The following LRMDA variants were observed in gnomAD, a reference collection of about 807,000 sequenced individuals.
LRMDA encodes the protein leucine rich melanocyte differentiation associated.
Under a neutral mutation model 29.8 loss-of-function variants are expected in LRMDA, and 18 were observed. That is an observed-to-expected ratio of 0.60 (90% CI 0.42 to 0.90). The LOEUF (loss-of-function observed/expected upper bound fraction) is 0.90. LRMDA is among the 40% of genes least tolerant of loss of function. LRMDA has a pLI of 0.00. For missense variants in LRMDA, 273 were observed against 273.9 expected (o/e 1.00, Z 0.02); for synonymous variants, 125 against 109.4 (o/e 1.14, Z -0.89).
chr10:76,087,618 A>G (rs1849158417), intron 5 of LRMDA, among the ~76,000 whole-genome samples: 1 of 152,100 alleles, frequency 6.6e-6, no homozygotes, highest in African/African-American at 2.4e-5. Flanking sequence ...TGAAGAGCTA[A>G]GGGGGATGCC....
intron 5 of LRMDA, among the ~76,000 whole-genome samples, chr10:76,065,461 C>T (rs1430413989): frequency 6.6e-6 from 1 of 152,184 alleles, no homozygotes; most frequent in Non-Finnish European, 1.5e-5. Context: ...GAAGCCAGTG[C>T]CTGGGGGATG....
chr10:75,768,239 A>G (rs7917268), intron 2 of LRMDA, among the ~76,000 whole-genome samples: 11,660 of 152,258 alleles, frequency 0.077, 1,227 homozygotes, highest in African/African-American at 0.24. Flanking sequence ...CATTATTATT[A>G]GGCAGCCCAT....
Position 75,632,782 on chromosome 10 carries a change from G to GTTTTTTTTTTTTTTTTTTTTTTTTTTTT in LRMDA, c.131+194315_131+194316insTTTTTTTTTTTTTTTTTTTTTTTTTTTT, listed in dbSNP as rs386371855. On this transcript the variant is annotated intron_variant, in intron 2 of 6. Coordinates refer to ENST00000611255, the MANE Select transcript of LRMDA (RefSeq NM_001305581.2). Reference sequence around the variant, plus strand: ...TAGTTTTTTTGTTTAGTTTAGTTTAGTTTTTTTTTTTTTTTTTTTTTTTTT... The same window carrying GTTTTTTTTTTTTTTTTTTTTTTTTTTTT: ...TAGTTTTTTTGTTTAGTTTAGTTTAGTTTTTTTTTTTTTTTTTTTTTTTTTTTTTTTTTTTTTTTTTTTTTTTTTTTTT... 9.2e-5 allele frequency among the ~76,000 whole-genome samples: 4 copies of GTTTTTTTTTTTTTTTTTTTTTTTTTTTT among 43,248 alleles called. 1 individual carries two copies. Among genetic ancestry groups the GTTTTTTTTTTTTTTTTTTTTTTTTTTTT allele is most frequent in the Non-Finnish European group, 1.4e-4 (3 of 21,684 alleles). The allele number at this position is 43,248 out of a possible 152,430, so 28.4% of individuals were successfully genotyped here.
chr10:76,151,418 G>C lies in LRMDA; in HGVS notation c.516+92635G>C, dbSNP rs1268950613. Among the ~76,000 whole-genome samples, 3 of 151,996 alleles carry C rather than the reference G, an allele frequency of 2.0e-5. No homozygotes were observed. The East Asian group carries it at 5.8e-4, about 29-fold the overall frequency. On this transcript the variant is annotated intron_variant, in intron 5 of 6. Coordinates refer to ENST00000611255, the MANE Select transcript of LRMDA (RefSeq NM_001305581.2). Reference sequence around the variant, plus strand: ...TACCCAGTTTTTTTTTCCCCTCCAAGGCATCTGTCGCTATTTGAAATAATC... The same window carrying C: ...TACCCAGTTTTTTTTTCCCCTCCAACGCATCTGTCGCTATTTGAAATAATC...
intron 6 of LRMDA, among the ~76,000 whole-genome samples, chr10:76,522,142 CAT>C (rs757917277): frequency 3.3e-5 from 5 of 152,280 alleles, no homozygotes; most frequent in Non-Finnish European, 5.9e-5. Flanking sequence ...TTTCAATAAA[CAT>C]GTGTATATTG....
intron 2 of LRMDA, among the ~76,000 whole-genome samples, chr10:75,446,843 A>G (rs1844402446): frequency 1.3e-5 from 2 of 152,342 alleles, no homozygotes; most frequent in South Asian, 4.1e-4. Flanking sequence ...GATTGGGGAG[A>G]GAAAATTCCC....
At chr10:75,776,269 C>A (rs1302275775) in intron 2 of LRMDA, among the ~76,000 whole-genome samples, 1 of 152,140 alleles carries the variant, frequency 6.6e-6, no homozygotes, top group Non-Finnish European at 1.5e-5. Flanking sequence ...AATTTGGGTC[C>A]TGGAAGAACT....
intron 6 of LRMDA, among the ~76,000 whole-genome samples, chr10:76,344,045 C>G (rs1841073536): frequency 6.6e-6 from 1 of 152,032 alleles, no homozygotes; most frequent in African/African-American, 2.4e-5. Flanking sequence ...TGGTCTTGAA[C>G]TCCTGACCTC....
chr10:75,997,447 A>T (rs537701162), intron 2 of LRMDA, among the ~76,000 whole-genome samples: 1 of 150,332 alleles, frequency 6.7e-6, no homozygotes, highest in Non-Finnish European at 1.5e-5. Flanking sequence ...ATCATGAAGT[A>T]TGTTCCAGGA....
chr10:76,328,319 A>G lies in LRMDA; in HGVS notation c.601+3834A>G, dbSNP rs990528370. 2.0e-5 allele frequency among the ~76,000 whole-genome samples: 3 copies of G among 152,216 alleles called. No individual in the cohort carries two copies. In the East Asian group the frequency reaches 5.8e-4, roughly 29 times the overall value. On this transcript the variant is annotated intron_variant, in intron 6 of 6. Transcript: ENST00000611255. Reference sequence around the variant, plus strand: ...TCTTTATCTGGTAGCTCTTAGAAGTAGAATTCACATTTGTACAGGGCATTA... The same window carrying G: ...TCTTTATCTGGTAGCTCTTAGAAGTGGAATTCACATTTGTACAGGGCATTA...
chr10:75,696,912 A>G (rs1842242119), intron 2 of LRMDA, among the ~76,000 whole-genome samples: 1 of 152,114 alleles, frequency 6.6e-6, no homozygotes, highest in South Asian at 2.1e-4. Context: ...GGCAGATCTC[A>G]GTTTGTCCAG....
At chr10:76,062,860 C>G (rs1346953322) in intron 5 of LRMDA, among the ~76,000 whole-genome samples, 1 of 152,136 alleles carries the variant, frequency 6.6e-6, no homozygotes, top group Non-Finnish European at 1.5e-5. Context: ...AAAGAAAGAG[C>G]CCGCTAGTAA....
At chr10:76,284,473 C>T (rs535977784) in intron 5 of LRMDA, among the ~76,000 whole-genome samples, 1 of 152,262 alleles carries the variant, frequency 6.6e-6, no homozygotes, top group South Asian at 2.1e-4. Flanking sequence ...CTTTTTCAGA[C>T]ATCTGACCTC....
intron 5 of LRMDA, among the ~76,000 whole-genome samples, chr10:76,289,098 TG>T (rs1840307330): frequency 6.6e-6 from 1 of 151,878 alleles, no homozygotes; most frequent in South Asian, 2.1e-4. Context: ...AAGGTGGAGG[TG>T]GGATGTTGGA....
chr10:75,636,661 T>C (rs964001904), intron 2 of LRMDA, among the ~76,000 whole-genome samples: 2 of 152,194 alleles, frequency 1.3e-5, no homozygotes, highest in Non-Finnish European at 2.9e-5. Flanking sequence ...TATTCTTAAT[T>C]CATTAGGTGA....
intron 6 of LRMDA, among the ~76,000 whole-genome samples, chr10:76,459,349 C>T (rs1211593280): frequency 6.6e-6 from 1 of 152,104 alleles, no homozygotes. Context: ...GAAAGCTTTT[C>T]CTCCTATCCT....
At chr10:75,962,589 C>T (rs1456246386) in intron 2 of LRMDA, among the ~76,000 whole-genome samples, 1 of 152,144 alleles carries the variant, frequency 6.6e-6, no homozygotes, top group Non-Finnish European at 1.5e-5. Context: ...ACATGGCCTG[C>T]CATGAGGGAT....
chr10:75,839,629 G>T (rs1844499716), intron 2 of LRMDA, among the ~76,000 whole-genome samples: 1 of 151,088 alleles, frequency 6.6e-6, no homozygotes, highest in African/African-American at 2.4e-5. Flanking sequence ...GGATCTGCAG[G>T]AGAATGAAAA....
chr10:75,651,787 A>G (rs1006422709), intron 2 of LRMDA, among the ~76,000 whole-genome samples: 1 of 152,182 alleles, frequency 6.6e-6, no homozygotes, highest in Admixed American at 6.5e-5. Flanking sequence ...ACATTGAGCT[A>G]TATGATGGTG....
Sources: allele counts gnomAD v4.1 joint callset (sites outside exome capture counted in the v4.1 genomes callset), GRCh38; gene constraint gnomAD v4.1.1; transcripts MANE v1.5; gene names NCBI Gene and HGNC (gene_info 2026-07-23, HGNC 2026-07-21).